The following CALN1 variants were observed in gnomAD, a reference collection of about 807,000 sequenced individuals.
The protein encoded by CALN1 is calcium-binding protein 8.
CALN1 carries 17 observed loss-of-function variants against 30.6 expected under a neutral mutation model. The observed-to-expected ratio is 0.56, with a 90% CI of 0.38 to 0.83. CALN1 has a LOEUF of 0.83. CALN1 is among the 40% of genes least tolerant of loss of function. The pLI, the probability that CALN1 is intolerant of heterozygous loss-of-function variation, is 0.00. For missense variants in CALN1, 291 were observed against 354.9 expected (o/e 0.82, Z 1.45); for synonymous variants, 156 against 131.4 (o/e 1.19, Z -1.28).
intron 2 of CALN1, among the ~76,000 whole-genome samples, chr7:72,350,968 C>G (rs1354555915): frequency 6.6e-6 from 1 of 151,774 alleles, no homozygotes; most frequent in African/African-American, 2.4e-5. Context: ...TGGTGAAACC[C>G]CATCTCTACT....
At chr7:72,324,354 ATCCTTT>A (rs556174096) in intron 2 of CALN1, among the ~76,000 whole-genome samples, 1 of 152,092 alleles carries the variant, frequency 6.6e-6, no homozygotes, top group East Asian at 1.9e-4. Flanking sequence ...ACTGATAACC[ATCCTTT>A]TCCAAGACCA....
intron 2 of CALN1, among the ~76,000 whole-genome samples, chr7:72,286,849 T>C (rs1016651823): frequency 6.6e-6 from 1 of 152,120 alleles, no homozygotes; most frequent in African/African-American, 2.4e-5. Context: ...AATGATATAA[T>C]ACAAGAAAGG....
intron 3 of CALN1, among the ~76,000 whole-genome samples, chr7:72,249,803 G>C (rs1352774732): frequency 1.3e-5 from 2 of 152,062 alleles, no homozygotes; most frequent in Admixed American, 6.6e-5. Context: ...TGGGTGTGGT[G>C]GTGGGCACCT....
At chr7:71,979,555 G>T (rs547595072) in intron 5 of CALN1, among the ~76,000 whole-genome samples, 1 of 152,226 alleles carries the variant, frequency 6.6e-6, no homozygotes, top group African/African-American at 2.4e-5. Context: ...GAATGAGAGG[G>T]ACAGGGAGAG....
intron 3 of CALN1, among the ~76,000 whole-genome samples, chr7:72,113,140 T>C (rs1315719863): frequency 1.3e-5 from 2 of 152,192 alleles, no homozygotes; most frequent in Non-Finnish European, 2.9e-5. Flanking sequence ...TCTCCAGTGT[T>C]GGAGGTGGAG....
At chr7:72,503,418 G>A in the CALN1 span, among the ~76,000 whole-genome samples, 2 of 151,752 alleles carry the variant, frequency 1.3e-5, no homozygotes, top group Admixed American at 1.3e-4. Flanking sequence ...GGTATTTGGG[G>A]GTCCAGTTGC....
intron 5 of CALN1, among the ~76,000 whole-genome samples, chr7:71,882,398 A>C (rs1159437629): frequency 6.6e-6 from 1 of 152,144 alleles, no homozygotes; most frequent in Admixed American, 6.5e-5. Flanking sequence ...CACATCGGCA[A>C]ATTTCCTCTA....
intron 2 of CALN1, among the ~76,000 whole-genome samples, chr7:72,390,975 A>AT (rs1372389448): frequency 3.3e-5 from 5 of 151,994 alleles, no homozygotes; most frequent in African/African-American, 9.7e-5. Flanking sequence ...CTTAAAATAT[A>AT]TTTTTTTCTG....
chr7:72,387,538 C>CAGTGTAAGCCTTTGATACAATGT (rs1805308680), intron 2 of CALN1, among the ~76,000 whole-genome samples: 1 of 152,126 alleles, frequency 6.6e-6, no homozygotes, highest in African/African-American at 2.4e-5. Flanking sequence ...GTCATGTTGA[C>CAGTGTAAGCCTTTGATACAATGT]AGTGTAAGCC....
At chr7:72,016,168 GA>G (rs1413315806) in intron 5 of CALN1, among the ~76,000 whole-genome samples, 1 of 147,384 alleles carries the variant, frequency 6.8e-6, no homozygotes, top group Non-Finnish European at 1.5e-5. Context: ...AGAATTGCTT[GA>G]ACCCAGGAGG....
At chr7:72,481,343 C>T in the CALN1 span, among the ~76,000 whole-genome samples, 1 of 152,216 alleles carries the variant, frequency 6.6e-6, no homozygotes, top group Non-Finnish European at 1.5e-5. Context: ...CCAGCCTAGG[C>T]TTCCCAAAGG....
intron 3 of CALN1, among the ~76,000 whole-genome samples, chr7:72,120,281 TAATTC>T (rs1276220168): frequency 3.3e-5 from 5 of 152,226 alleles, no homozygotes; most frequent in Non-Finnish European, 7.3e-5. Context: ...CAAATGTTCT[TAATTC>T]AACTAGGATC....
intron 3 of CALN1, among the ~76,000 whole-genome samples, chr7:72,243,230 G>A (rs192912474): frequency 5.2e-4 from 79 of 152,264 alleles, no homozygotes; most frequent in Non-Finnish European, 1.0e-3. Flanking sequence ...CTCCATGTGA[G>A]GACACAGCAA....
intron 5 of CALN1, among the ~76,000 whole-genome samples, chr7:71,981,964 G>A (rs1798420616): frequency 6.6e-6 from 1 of 152,138 alleles, no homozygotes; most frequent in Admixed American, 6.5e-5. Flanking sequence ...CCTGCAATGG[G>A]AAACACTGCA....
intron 5 of CALN1, among the ~76,000 whole-genome samples, chr7:71,992,791 T>C (rs1799024721): frequency 6.6e-6 from 1 of 152,206 alleles, no homozygotes; most frequent in Non-Finnish European, 1.5e-5. Flanking sequence ...CGAAATATCG[T>C]TATTAAATCT....
chr7:72,430,392 G>T (rs1026137830), intron 1 of CALN1, among the ~76,000 whole-genome samples: 1 of 150,812 alleles, frequency 6.6e-6, no homozygotes, highest in Non-Finnish European at 1.5e-5. Context: ...TTTGTAATAC[G>T]ATACACCAGG....
At chr7:71,972,226 TA>T (rs1797883976) in intron 5 of CALN1, among the ~76,000 whole-genome samples, 1 of 152,188 alleles carries the variant, frequency 6.6e-6, no homozygotes, top group Non-Finnish European at 1.5e-5. Flanking sequence ...GCCCAAAGCT[TA>T]ATGATGACAT....
chr7:72,044,818 C>T (rs1451039404), intron 4 of CALN1, among the ~76,000 whole-genome samples: 3 of 151,880 alleles, frequency 2.0e-5, no homozygotes, highest in Non-Finnish European at 4.4e-5. Context: ...TGGGGTCTCA[C>T]TATGTTCCCC....
chr7:72,485,032 A>T, the CALN1 span, among the ~76,000 whole-genome samples: 2 of 152,226 alleles, frequency 1.3e-5, no homozygotes, highest in Non-Finnish European at 2.9e-5. Context: ...GTCTTGGCAG[A>T]CAGACAAATA....
Sources: allele counts gnomAD v4.1 joint callset (sites outside exome capture counted in the v4.1 genomes callset), GRCh38; gene constraint gnomAD v4.1.1; transcripts MANE v1.5; gene names NCBI Gene and HGNC (gene_info 2026-07-23, HGNC 2026-07-21).